The following TEK variants were observed in gnomAD, a reference collection of about 807,000 sequenced individuals.
TEK encodes TEK receptor tyrosine kinase, also known as angiopoietin-1 receptor.
TEK carries 43 observed loss-of-function variants against 131.8 expected under a neutral mutation model. The ratio of observed to expected loss-of-function variants is 0.33; its 90% CI spans 0.26 to 0.42. TEK has a LOEUF of 0.42. Ranked by LOEUF, TEK falls within the 10% of genes least tolerant of loss-of-function variation. The probability of loss-of-function intolerance (pLI) is 1.00; values close to 1 mark genes in which losing one functional copy is unlikely to be tolerated. For synonymous variants in TEK, 580 were observed against 491.6 expected (o/e 1.18, Z -2.38); for missense variants, 1,162 against 1,384.4 (o/e 0.84, Z 2.55).
chr9:27,160,962 T>G (rs890270879), intron 2 of TEK, among the ~76,000 whole-genome samples: 1 of 152,246 alleles, frequency 6.6e-6, no homozygotes, highest in African/African-American at 2.4e-5. Context: ...TGCTGATGTT[T>G]CCACATTCTA....
chr9:27,225,041 A>AACTT (rs1284281873), intron 21 of TEK, among the ~76,000 whole-genome samples: 1 of 152,222 alleles, frequency 6.6e-6, no homozygotes, highest in Non-Finnish European at 1.5e-5. Context: ...CTAGGAATCC[A>AACTT]ACTTACAAGG....
chr9:27,162,284 G>T (rs775322688), intron 2 of TEK, among the ~76,000 whole-genome samples: 1 of 152,180 alleles, frequency 6.6e-6, no homozygotes, highest in African/African-American at 2.4e-5. Flanking sequence ...CTGCTGACTC[G>T]TACATCTGTG....
chr9:27,140,124 A>AAC (rs1822668032), intron 1 of TEK, among the ~76,000 whole-genome samples: 1 of 152,192 alleles, frequency 6.6e-6, no homozygotes. Context: ...AGCAACACCA[A>AAC]ACTTATTTAA....
intron 1 of TEK, among the ~76,000 whole-genome samples, chr9:27,149,690 CAGA>C (rs1823053806): frequency 6.6e-6 from 1 of 152,118 alleles, no homozygotes; most frequent in Non-Finnish European, 1.5e-5. Context: ...CTGTTGGGAG[CAGA>C]AGAACAGGGC....
At chr9:27,189,141 T>C (rs1197419151) in intron 9 of TEK, among the ~76,000 whole-genome samples, 2 of 152,136 alleles carry the variant, frequency 1.3e-5, no homozygotes, top group African/African-American at 4.8e-5. Flanking sequence ...AAACGAGTTA[T>C]GCATTTCTAA....
At chr9:27,160,206 T>C (rs1483925447) in intron 2 of TEK, among the ~76,000 whole-genome samples, 2 of 151,752 alleles carry the variant, frequency 1.3e-5, no homozygotes, top group Non-Finnish European at 2.9e-5. Context: ...GAATTTTTCA[T>C]AGATATGGGG....
At chr9:27,218,130 T>TTGTGGGGG (rs9298888) in intron 19 of TEK, among the ~76,000 whole-genome samples, 3 of 139,514 alleles carry the variant, frequency 2.2e-5, no homozygotes, top group Non-Finnish European at 4.6e-5. Flanking sequence ...GGCCAGACAG[T>TTGTGGGGG]GGCGGGGGTC....
At chr9:27,117,794 G>A (rs1821627664) in intron 1 of TEK, among the ~76,000 whole-genome samples, 1 of 152,196 alleles carries the variant, frequency 6.6e-6, no homozygotes, top group Non-Finnish European at 1.5e-5. Context: ...CTTGCCCAGG[G>A]CTTGACCAGT....
At chr9:27,163,183 A>T (rs1823607732) in intron 2 of TEK, among the ~76,000 whole-genome samples, 5 of 152,208 alleles carry the variant, frequency 3.3e-5, no homozygotes. Flanking sequence ...TGGCTATTGT[A>T]ACTTAACGTG....
intron 21 of TEK, among the ~76,000 whole-genome samples, chr9:27,221,146 A>G (rs1252821353): frequency 6.6e-6 from 1 of 152,212 alleles, no homozygotes; most frequent in Non-Finnish European, 1.5e-5. Flanking sequence ...ATGTAAAAAA[A>G]GTCACAGGGA....
intron 1 of TEK, among the ~76,000 whole-genome samples, chr9:27,116,576 C>T (rs774274805): frequency 5.4e-4 from 82 of 152,248 alleles, no homozygotes; most frequent in Non-Finnish European, 9.0e-4. Context: ...AGCCACCGCA[C>T]CTGGCCATAA....
At chr9:27,204,868 A>G (rs1186847374) in intron 13 of TEK, 43 bp from the exon 14 acceptor site, 6 of 1,612,004 alleles carry the variant, frequency 3.7e-6, no homozygotes, top group Non-Finnish European at 5.1e-6. Flanking sequence ...CTGTTTCTCT[A>G]TGTAAACTAA....
chr9:27,154,690 T>C (rs1823263020), intron 1 of TEK, among the ~76,000 whole-genome samples: 3 of 152,324 alleles, frequency 2.0e-5, no homozygotes, highest in South Asian at 2.1e-4. Context: ...TAGGTATGTC[T>C]TCTTATACCC....
chr9:27,145,330 C>G (rs569202115), intron 1 of TEK, among the ~76,000 whole-genome samples: 23 of 152,312 alleles, frequency 1.5e-4, no homozygotes, highest in African/African-American at 5.3e-4. Flanking sequence ...CGGCCTGTTT[C>G]CTGCCCATGT....
At position 27,229,323 on chromosome 9, in the gene TEK, T is replaced by C. The variant is rs1826471652; in HGVS notation, c.*91T>C. 1.9e-5 allele frequency: 24 copies of C among 1,260,370 alleles called. 1 individual carries two copies. In the South Asian group the frequency reaches 2.9e-4, roughly 15 times the overall value. 78.1% of individuals were successfully genotyped at this position (1,260,370 alleles called of 1,614,324 possible). ...GAAAACATGCCTCTGCCAAAGGATG[T>C]GATATATAAGTGTACATATGTGCTG... is the stretch of plus-strand genomic sequence containing the variant. On this transcript the variant is annotated 3_prime_UTR_variant, in exon 23 of 23. Coordinates refer to ENST00000380036, the MANE Select transcript of TEK (RefSeq NM_000459.5).
At chr9:27,213,735 G>A (rs765596405) in intron 18 of TEK, 138 bp downstream of exon 18, 4 of 700,460 alleles carry the variant, frequency 5.7e-6, no homozygotes, top group South Asian at 3.0e-5. Context: ...GTGTGCCCTG[G>A]GAAACATTCT....
chr9:27,123,145 T>G (rs1403905930), intron 1 of TEK, among the ~76,000 whole-genome samples: 1 of 150,912 alleles, frequency 6.6e-6, no homozygotes, highest in Non-Finnish European at 1.5e-5. Context: ...TGCGAAGCAT[T>G]TTTAGTGAAT....
At chr9:27,222,916 A>T (rs1394192969) in intron 21 of TEK, among the ~76,000 whole-genome samples, 3 of 152,200 alleles carry the variant, frequency 2.0e-5, no homozygotes, top group African/African-American at 4.8e-5. Context: ...AAATAAAGGG[A>T]CAGAGGCATA....
chr9:27,144,231 G>A (rs1305065429), intron 1 of TEK, among the ~76,000 whole-genome samples: 1 of 152,058 alleles, frequency 6.6e-6, no homozygotes, highest in East Asian at 1.9e-4. Flanking sequence ...GCAGTGAGCC[G>A]AGATCACGCC....
Sources: gnomAD v4.1 joint callset for allele counts (sites outside exome capture counted in the v4.1 genomes callset) on GRCh38, gnomAD v4.1.1 for gene constraint, MANE v1.5 for transcripts, NCBI Gene and HGNC (gene_info 2026-07-23, HGNC 2026-07-21) for gene names.